FAT3: variants seen among roughly 807,000 people sequenced by gnomAD.
FAT3 encodes the protein protocadherin Fat 3.
Under a neutral mutation model 310.2 loss-of-function variants are expected in FAT3, and 95 were observed. The ratio of observed to expected loss-of-function variants is 0.31; its 90% confidence interval spans 0.26 to 0.36. The LOEUF (loss-of-function observed/expected upper bound fraction) is 0.36. Among genes scored for constraint, FAT3 ranks in the 10% least tolerant of loss-of-function variants. FAT3 has a pLI of 1.00. For missense variants in FAT3, 5,408 were observed against 5,715.6 expected, an observed-to-expected ratio of 0.95 and a Z score of 1.74; for synonymous variants, 2,314 against 2,192.9, an observed-to-expected ratio of 1.06 and a Z score of -1.54.
intron 1 of FAT3, among the ~76,000 whole-genome samples, chr11:92,343,960 T>G (rs1948341980): frequency 6.6e-6 from 1 of 152,180 alleles, no homozygotes; most frequent in Non-Finnish European, 1.5e-5. Context: ...CTTTAAGACT[T>G]TGCAGTATAG....
rs777110989 is a variant in FAT3 at position 92,801,091 on chromosome 11, C to T, written c.8078C>T (p.Pro2693Leu). The T allele has an allele frequency of 1.2e-6, 2 of 1,613,976 alleles. No homozygotes were observed. The highest frequency in any genetic ancestry group is 1.7e-5 in the Admixed American group (1 of 60,018). The part of the protein sequence containing the change: ...GGIPVKHSLI[P>L]VYIHVLPPET... ...ATCCCAGTAAAGCACTCCCTCATTC[C>T]TGTCTATATCCACGTCTTGCCCCCT... The change falls in exon 10 of 28, where the codon CCT (proline) becomes CTT (leucine). Residue 2693 changes from proline to leucine, a missense_variant. Physicochemically the swap from Pro to Leu is moderately conservative, Grantham distance 98 (BLOSUM62 -3). Coordinates refer to ENST00000525166, the MANE Select transcript of FAT3 (RefSeq NM_001367949.2).
intron 3 of FAT3, among the ~76,000 whole-genome samples, chr11:92,595,100 T>A (rs968216274): frequency 6.6e-6 from 1 of 152,074 alleles, no homozygotes; most frequent in Non-Finnish European, 1.5e-5. Context: ...CATGCCTTAT[T>A]TTTCACTACC....
intron 3 of FAT3, among the ~76,000 whole-genome samples, chr11:92,691,487 C>G (rs1010077727): frequency 1.3e-5 from 2 of 152,074 alleles, no homozygotes; most frequent in African/African-American, 4.8e-5. Flanking sequence ...CCTCAAACTC[C>G]TGGGCTCAAG....
At chr11:92,644,988 A>G (rs1248617796) in intron 3 of FAT3, among the ~76,000 whole-genome samples, 1 of 152,202 alleles carries the variant, frequency 6.6e-6, no homozygotes, top group Non-Finnish European at 1.5e-5. Context: ...GCTTGCTTCC[A>G]TGGCTGTCAG....
At chr11:92,247,982 A>G (rs1864990141) in intron 1 of FAT3, among the ~76,000 whole-genome samples, 1 of 152,102 alleles carries the variant, frequency 6.6e-6, no homozygotes, top group South Asian at 2.1e-4. Context: ...CCTGTCTCAA[A>G]AAAAGCAAGT....
chr11:92,716,267 G>T (rs532443550), intron 4 of FAT3, among the ~76,000 whole-genome samples: 1 of 152,140 alleles, frequency 6.6e-6, no homozygotes, highest in African/African-American at 2.4e-5. Flanking sequence ...GTCAGAAGCT[G>T]GTGTTCAGTA....
chr11:92,804,571 C>A (rs147609218), intron 10 of FAT3, among the ~76,000 whole-genome samples: 28 of 152,206 alleles, frequency 1.8e-4, no homozygotes, highest in African/African-American at 5.5e-4. Context: ...CAGTGCTTAT[C>A]TTTGAACTGC....
chr11:92,532,999 G>A (rs1053836267), intron 3 of FAT3, among the ~76,000 whole-genome samples: 2 of 152,086 alleles, frequency 1.3e-5, no homozygotes, highest in Admixed American at 1.3e-4. Flanking sequence ...GGGAACTGCA[G>A]ATGCATAGGG....
intron 1 of FAT3, among the ~76,000 whole-genome samples, chr11:92,269,987 G>C (rs2134332334): frequency 6.6e-6 from 1 of 152,188 alleles, no homozygotes; most frequent in African/African-American, 2.4e-5. Context: ...AGAAATAATT[G>C]ATGGTGAGGC....
chr11:92,794,210 A>C (rs1947109548), intron 9 of FAT3, among the ~76,000 whole-genome samples: 1 of 152,224 alleles, frequency 6.6e-6, no homozygotes, highest in South Asian at 2.1e-4. Flanking sequence ...TTAATTATAT[A>C]ATCTTTGTTC....
intron 3 of FAT3, among the ~76,000 whole-genome samples, chr11:92,632,466 A>G (rs907243805): frequency 1.3e-5 from 2 of 152,204 alleles, no homozygotes; most frequent in African/African-American, 4.8e-5. Flanking sequence ...GGGATGAGCA[A>G]GGCAACAACT....
In FAT3 at chr11:92,260,669, G is replaced by C. The variant is rs548915978; in HGVS notation, c.-18+35495G>C. Among the ~76,000 whole-genome samples, 3 of 152,190 alleles carry C rather than the reference G, an allele frequency of 2.0e-5. No individual in the cohort carries two copies. In the East Asian group the frequency reaches 5.8e-4, roughly 29 times the overall value. ...ACCAGGAAGCCTATTTTATGTATCT[G>C]TAACAAATAGATTGTAAAGTTAATA... On this transcript the variant is annotated intron_variant, in intron 1 of 27. Transcript: ENST00000525166.
At chr11:92,403,297 G>A (rs1400890833) in intron 2 of FAT3, 1 of 152,134 alleles carries the variant, frequency 6.6e-6, no homozygotes, top group Admixed American at 6.5e-5. Context: ...ACTCTTCTAA[G>A]TTCCCACACT....
intron 2 of FAT3, among the ~76,000 whole-genome samples, chr11:92,465,045 C>T (rs754216828): frequency 1.6e-4 from 24 of 151,908 alleles, no homozygotes; most frequent in Non-Finnish European, 2.8e-4. Flanking sequence ...CAGCTGCCGA[C>T]GTGATTATGG....
At chr11:92,645,291 A>G (rs1212062433) in intron 3 of FAT3, among the ~76,000 whole-genome samples, 1 of 152,188 alleles carries the variant, frequency 6.6e-6, no homozygotes, top group Non-Finnish European at 1.5e-5. Context: ...ACAAAAGACC[A>G]TCTGGTCCTT....
intron 3 of FAT3, among the ~76,000 whole-genome samples, chr11:92,528,948 CA>C (rs1953971873): frequency 6.6e-6 from 1 of 152,178 alleles, no homozygotes; most frequent in Admixed American, 6.5e-5. Flanking sequence ...TCCTGGACCC[CA>C]CTATCTTGAG....
chr11:92,255,957 T>A (rs542940110), intron 1 of FAT3, among the ~76,000 whole-genome samples: 1 of 152,124 alleles, frequency 6.6e-6, no homozygotes, highest in Non-Finnish European at 1.5e-5. Flanking sequence ...GGAGGTGACA[T>A]CTACCCCATG....
At chr11:92,673,787 T>C (rs1403506580) in intron 3 of FAT3, among the ~76,000 whole-genome samples, 1 of 152,104 alleles carries the variant, frequency 6.6e-6, no homozygotes, top group Non-Finnish European at 1.5e-5. Flanking sequence ...ATGGAGATGG[T>C]CCCAAATCTG....
intron 1 of FAT3, among the ~76,000 whole-genome samples, chr11:92,294,841 C>T (rs1946806519): frequency 6.6e-6 from 1 of 152,022 alleles, no homozygotes; most frequent in Admixed American, 6.6e-5. Flanking sequence ...AATGTTAATT[C>T]CAGGCATGCA....
Sources: gnomAD v4.1 joint callset for allele counts (sites outside exome capture counted in the v4.1 genomes callset) on GRCh38, gnomAD v4.1.1 for gene constraint, MANE v1.5 for transcripts, NCBI Gene and HGNC (gene_info 2026-07-23, HGNC 2026-07-21) for gene names.